Variants in KIAA0513 observed in about 807,000 individuals in gnomAD.
KIAA0513 encodes KIAA0513.
A neutral mutation model predicts 56.5 loss-of-function variants in KIAA0513; 39 were observed. The ratio of observed to expected loss-of-function variants is 0.69; its 90% CI spans 0.53 to 0.90. The LOEUF (loss-of-function observed/expected upper bound fraction) is 0.90. Ranked by LOEUF, KIAA0513 falls within the 40% of genes least tolerant of loss-of-function variation. KIAA0513 has a pLI of 0.00. For missense variants in KIAA0513, 591 were observed against 535.2 expected (o/e 1.10, Z -1.03); for synonymous variants, 268 against 215.6 (o/e 1.24, Z -2.13).
chr16:85,047,173 A>C (rs925054718), intron 1 of KIAA0513, among the ~76,000 whole-genome samples: 1 of 151,254 alleles, frequency 6.6e-6, no homozygotes, highest in Non-Finnish European at 1.5e-5. Flanking sequence ...GCCTTTGTCC[A>C]CTCTTCAGAT....
At chr16:85,043,447 C>T (rs1158930749) in intron 1 of KIAA0513, among the ~76,000 whole-genome samples, 3 of 139,292 alleles carry the variant, frequency 2.2e-5, no homozygotes, top group South Asian at 2.4e-4. Flanking sequence ...AGTCTCGCTC[C>T]ATCACCCAGG....
chr16:85,083,134 G>C (rs563247496), intron 10 of KIAA0513, among the ~76,000 whole-genome samples: 2 of 152,202 alleles, frequency 1.3e-5, no homozygotes, highest in Non-Finnish European at 2.9e-5. Context: ...ACGGAAGAAG[G>C]ACACACTCCC....
intron 1 of KIAA0513, among the ~76,000 whole-genome samples, chr16:85,049,990 G>A (rs575560870): frequency 3.0e-4 from 45 of 152,148 alleles, no homozygotes; most frequent in Admixed American, 5.9e-4. Context: ...CAGCTGTCCC[G>A]GAGTCAGCCG....
Position 85,090,446 on chromosome 16 carries a change from C to T in KIAA0513, c.*2121C>T, listed in dbSNP as rs910397626. 1.3e-5 allele frequency: 2 copies of T among 152,236 alleles called. No individual in the cohort carries two copies. Among genetic ancestry groups the T allele is most frequent in the African/African-American group, 2.4e-5 (1 of 41,462 alleles). The allele number at this position is 152,236 out of a possible 1,614,324, so 9.4% of individuals were successfully genotyped here. A position where few individuals can be genotyped will look rare whatever the true frequency, so the allele number is the denominator to read the frequency against. On this transcript the variant is annotated 3_prime_UTR_variant, in exon 13 of 13. Transcript: ENST00000683363. ...AAGTTTTGTTTGATTCTGAGACTCT[C>T]TTGGGAACGCTGGAGAGCTTGTGCA...
At chr16:85,068,568 A>G (rs934954233) in intron 2 of KIAA0513, among the ~76,000 whole-genome samples, 2 of 151,706 alleles carry the variant, frequency 1.3e-5, no homozygotes, top group Admixed American at 6.6e-5. Flanking sequence ...TCCTGACCTC[A>G]TGATCCGCCT....
chr16:85,039,260 G>A (rs1035864331), intron 1 of KIAA0513, among the ~76,000 whole-genome samples: 6 of 152,242 alleles, frequency 3.9e-5, no homozygotes, highest in Non-Finnish European at 5.9e-5. Flanking sequence ...CCAAAACACT[G>A]TTTTATGTAG....
rs761653280 is a variant in KIAA0513 at position 85,071,813 on chromosome 16, G to A, written c.360G>A (p.Lys120=). The part of the protein sequence containing the change: ...GEDLDQEEKA[K]FGEYCSSENG... ...ACTTGGATCAGGAGGAGAAAGCCAA[G>A]TTTGGAGAGTACTGCAGCAGTGAAA... is the stretch of plus-strand genomic sequence containing the variant. Residue 120 remains lysine, a synonymous_variant, in exon 3 of 13, where the codon AAG becomes AAA. Coordinates refer to ENST00000683363, the MANE Select transcript of KIAA0513 (RefSeq NM_001388359.1). 5 of 1,598,992 alleles carry A rather than the reference G, an allele frequency of 3.1e-6. No individual in the cohort carries two copies. Among genetic ancestry groups the A allele is most frequent in the Non-Finnish European group, 4.3e-6 (5 of 1,175,400 alleles).
intron 1 of KIAA0513, among the ~76,000 whole-genome samples, chr16:85,054,428 T>C (rs1016668191): frequency 2.7e-4 from 39 of 144,414 alleles, no homozygotes; most frequent in Non-Finnish European, 5.2e-4. Context: ...TTTCTTTTTT[T>C]TTTTTTTTTT....
chr16:85,068,620 C>A (rs567408110), intron 2 of KIAA0513, among the ~76,000 whole-genome samples: 10 of 152,294 alleles, frequency 6.6e-5, no homozygotes, highest in Non-Finnish European at 1.3e-4. Flanking sequence ...GTGTGAGCCA[C>A]CACGCCTGGC....
Position 85,079,221 on chromosome 16 carries a change from C to T in KIAA0513, c.902+218C>T, listed in dbSNP as rs578090274. The T allele has an allele frequency of 2.5e-4, 243 of 961,686 alleles. 1 individual carries two copies. Among genetic ancestry groups the T allele is most frequent in the East Asian group, 2.0e-3 (74 of 36,742 alleles). The allele number at this position is 961,686 out of a possible 1,614,324, so 59.6% of individuals were successfully genotyped here. On this transcript the variant is annotated intron_variant, in intron 8 of 12. Coordinates refer to ENST00000683363, the MANE Select transcript of KIAA0513 (RefSeq NM_001388359.1). Reference sequence around the variant, plus strand: ...GCTAGGAGCAATGTAAATGAGCAGCCGCTGAGAAACAGTCTGGCAGTTCCT... The same window carrying T: ...GCTAGGAGCAATGTAAATGAGCAGCTGCTGAGAAACAGTCTGGCAGTTCCT...
chr16:85,087,031 TG>T, intron 11 of KIAA0513, 40 bp from the exon 12 acceptor site: 1 of 1,593,034 alleles, frequency 6.3e-7, no homozygotes, highest in African/African-American at 1.3e-5. Context: ...CCCTTTCCCC[TG>T]GGAGGCCAGC....
At chr16:85,077,283 C>T (rs2073669374) in intron 5 of KIAA0513, 142 bp from the exon 6 acceptor site, 3 of 744,062 alleles carry the variant, frequency 4.0e-6, no homozygotes, top group South Asian at 3.7e-5. Flanking sequence ...TGAGCCTGCA[C>T]CACCCCCTGT....
rs762612575 is a variant in KIAA0513 at position 85,071,746 on chromosome 16, T to G, written c.330-37T>G. On this transcript the variant is annotated intron_variant, in intron 2 of 12. Transcript: ENST00000683363. ...TGCTCCAGGGGATTGAAAAGGGTTT[T>G]TTTTTTTTTTCCTCTGCTCTTTTTT... is the stretch of plus-strand genomic sequence containing the variant. 7.5e-6 allele frequency: 11 copies of G among 1,472,320 alleles called. No individual in the cohort carries two copies. The Admixed American group carries it at 1.2e-4, about 17-fold the overall frequency. 91.2% of individuals were successfully genotyped at this position (1,472,320 alleles called of 1,614,324 possible).
rs1225291918 is a variant in KIAA0513 at position 85,081,289 on chromosome 16, A to C, written c.903-26A>C. The C allele has an allele frequency of 2.5e-6, 4 of 1,611,216 alleles. No homozygotes were observed. The highest frequency in any genetic ancestry group is 3.4e-6 in the Non-Finnish European group (4 of 1,177,884). On this transcript the variant is annotated intron_variant, in intron 8 of 12. Coordinates refer to ENST00000683363, the MANE Select transcript of KIAA0513 (RefSeq NM_001388359.1). This position sits in a 1 kb window ranked among gnomAD's most constrained non-coding sequence, Gnocchi z 4.4. ...GTCCTCCCCGCCTCCCCTTGGAGAG[A>C]GTGTGACTGGGGCTCTGTCTTGCAG...
intron 1 of KIAA0513, among the ~76,000 whole-genome samples, chr16:85,036,728 G>T (rs1188887319): frequency 6.6e-6 from 1 of 152,086 alleles, no homozygotes; most frequent in Non-Finnish European, 1.5e-5. Context: ...CCAGTCCAGG[G>T]GACCACATTG....
intron 1 of KIAA0513, among the ~76,000 whole-genome samples, chr16:85,057,561 A>T (rs2073347190): frequency 1.3e-5 from 2 of 152,080 alleles, no homozygotes; most frequent in African/African-American, 2.4e-5. Flanking sequence ...AACATCTCTT[A>T]TGGGCCTGAC....
intron 7 of KIAA0513, among the ~76,000 whole-genome samples, chr16:85,078,692 C>G (rs1299711729): frequency 6.6e-6 from 1 of 152,234 alleles, no homozygotes; most frequent in Non-Finnish European, 1.5e-5. Context: ...CTAAGGGTTA[C>G]TGCGAGGGGC....
In KIAA0513 at chr16:85,088,648, A is replaced by C; in HGVS notation, c.*323A>C. On this transcript the variant is annotated 3_prime_UTR_variant, in exon 13 of 13. Coordinates refer to ENST00000683363, the MANE Select transcript of KIAA0513 (RefSeq NM_001388359.1). ...AGGACTCCATGGGCCATCGTGGGCC[A>C]AGGGCTGGCGAGGGTGGGGGCGGGC... 3.2e-6 allele frequency: 1 copy of C among 309,210 alleles called. No homozygotes were observed. Among genetic ancestry groups the C allele is most frequent in the Admixed American group, 4.7e-5 (1 of 21,070 alleles). The allele number at this position is 309,210 out of a possible 1,614,324, so 19.2% of individuals were successfully genotyped here. A position where few individuals can be genotyped will look rare whatever the true frequency, so the allele number is the denominator to read the frequency against.
intron 7 of KIAA0513, 77 bp downstream of exon 7, chr16:85,078,532 C>A: frequency 7.0e-7 from 1 of 1,422,276 alleles, no homozygotes; most frequent in Non-Finnish European, 9.8e-7. Flanking sequence ...TGCACGGCCT[C>A]TGGGGCTTTC....
Sources: gnomAD v4.1 joint callset for allele counts (sites outside exome capture counted in the v4.1 genomes callset) on GRCh38, gnomAD v4.1.1 for gene constraint, Gnocchi (gnomAD v3.1) non-coding constraint, MANE v1.5 for transcripts, NCBI Gene and HGNC (gene_info 2026-07-23, HGNC 2026-07-21) for gene names.